NFATC2: variants seen among roughly 807,000 people sequenced by gnomAD.
NFATC2 encodes nuclear factor of activated T cells 2.
A neutral mutation model predicts 87.3 loss-of-function variants in NFATC2; 22 were observed. That is an observed-to-expected ratio of 0.25 (90% CI 0.18 to 0.36). NFATC2 has a LOEUF of 0.36. NFATC2 is among the 10% of genes least tolerant of loss of function. The probability of loss-of-function intolerance (pLI) is 1.00; values close to 1 mark genes in which losing one functional copy is unlikely to be tolerated. For missense variants in NFATC2, 1,149 were observed against 1,259.1 expected, an observed-to-expected ratio of 0.91 and a Z score of 1.32; for synonymous variants, 565 against 542.2, an observed-to-expected ratio of 1.04 and a Z score of -0.58.
chr20:51,461,582 G>A (rs572033703), intron 5 of NFATC2, among the ~76,000 whole-genome samples: 1 of 152,346 alleles, frequency 6.6e-6, no homozygotes, highest in Non-Finnish European at 1.5e-5. Flanking sequence ...TGTTGACTTT[G>A]TCTTGCAACT....
Position 51,562,549 on chromosome 20 carries a change from G to C in NFATC2, c.70+11C>G. On this transcript the variant is annotated intron_variant, in intron 1 of 10. Coordinates refer to the NFATC2 transcript ENST00000414705. This position sits in a 1 kb window ranked among gnomAD's most constrained non-coding sequence, Gnocchi z 5.8. ...AGCGGAAAAGGCTGGAAGGGATCGA[G>C]AGTCAGTTACCTTGGTCCACAGACC... is the stretch of plus-strand genomic sequence containing the variant. 1.9e-6 allele frequency: 3 copies of C among 1,549,450 alleles called. No homozygotes were observed. The highest frequency in any genetic ancestry group is 1.7e-6 in the Non-Finnish European group (2 of 1,145,202).
chr20:51,417,428 C>G (rs1980195616), intron 9 of NFATC2, among the ~76,000 whole-genome samples: 1 of 152,158 alleles, frequency 6.6e-6, no homozygotes. Flanking sequence ...TCTCTGTCCT[C>G]CACACAAACC....
intron 10 of NFATC2, among the ~76,000 whole-genome samples, chr20:51,394,258 A>G (rs1568918875): frequency 6.6e-6 from 1 of 151,974 alleles, no homozygotes; most frequent in Non-Finnish European, 1.5e-5. Flanking sequence ...AAGTTCTGAG[A>G]GGGGGGTCTC....
intron 6 of NFATC2, among the ~76,000 whole-genome samples, chr20:51,440,039 C>T (rs995561228): frequency 7.2e-5 from 11 of 152,140 alleles, no homozygotes; most frequent in Non-Finnish European, 1.6e-4. Flanking sequence ...GAGTTTGGGA[C>T]TAGCCAGGCC....
chr20:51,407,779 G>A (rs1978558339), intron 9 of NFATC2, among the ~76,000 whole-genome samples: 1 of 152,242 alleles, frequency 6.6e-6, no homozygotes, highest in African/African-American at 2.4e-5. Context: ...GAGAACCGTG[G>A]AGTCTGGAAC....
chr20:51,543,943 T>G (rs2076863809), upstream of NFATC2, among the ~76,000 whole-genome samples: 6 of 146,860 alleles, frequency 4.1e-5, no homozygotes, highest in South Asian at 1.3e-3. Flanking sequence ...CGTGCTGGGC[T>G]GCAATCCAAA....
chr20:51,433,023 A>G (rs1156718633), intron 8 of NFATC2, among the ~76,000 whole-genome samples: 1 of 152,030 alleles, frequency 6.6e-6, no homozygotes, highest in Non-Finnish European at 1.5e-5. Flanking sequence ...CAGCCCTGGG[A>G]TGTTTACAGC....
intron 1 of NFATC2, among the ~76,000 whole-genome samples, chr20:51,558,207 T>G (rs1368678073): frequency 6.6e-6 from 1 of 152,064 alleles, no homozygotes; most frequent in Non-Finnish European, 1.5e-5. Flanking sequence ...CCAGGTATGG[T>G]GGTGCACCCC....
intron 4 of NFATC2, among the ~76,000 whole-genome samples, chr20:51,475,056 C>T (rs930637394): frequency 2.0e-5 from 3 of 149,858 alleles, no homozygotes; most frequent in Admixed American, 6.6e-5. Flanking sequence ...GCAACCTGCC[C>T]GCATCAAGTT....
chr20:51,492,987 T>A (rs893240943), intron 3 of NFATC2, among the ~76,000 whole-genome samples: 7 of 152,174 alleles, frequency 4.6e-5, no homozygotes, highest in Non-Finnish European at 1.0e-4. Context: ...GAGGATGCGA[T>A]CGTGTGCCTC....
chr20:51,460,048 T>C (rs1986981670), intron 5 of NFATC2, among the ~76,000 whole-genome samples: 1 of 152,230 alleles, frequency 6.6e-6, no homozygotes, highest in Non-Finnish European at 1.5e-5. Flanking sequence ...AAATATCCTA[T>C]ATAAGACAAA....
intron 3 of NFATC2, among the ~76,000 whole-genome samples, chr20:51,484,820 C>T (rs1353278083): frequency 6.6e-6 from 1 of 152,226 alleles, no homozygotes; most frequent in Non-Finnish European, 1.5e-5. Context: ...AGGAGCCCTG[C>T]GCCTGCTTTC....
chr20:51,421,560 G>A (rs531539409), intron 9 of NFATC2, among the ~76,000 whole-genome samples: 4 of 152,322 alleles, frequency 2.6e-5, no homozygotes, highest in African/African-American at 7.2e-5. Flanking sequence ...AGGGAATGGC[G>A]GGGGCTGTGG....
chr20:51,519,700 G>A (rs2146704415), intron 2 of NFATC2, among the ~76,000 whole-genome samples: 1 of 148,622 alleles, frequency 6.7e-6, no homozygotes, highest in African/African-American at 2.5e-5. Flanking sequence ...CAGATGACGA[G>A]GTCAGGAGTT....
chr20:51,478,264 AT>A (rs762135196), intron 3 of NFATC2, among the ~76,000 whole-genome samples: 7 of 152,252 alleles, frequency 4.6e-5, no homozygotes, highest in Non-Finnish European at 8.8e-5. Flanking sequence ...TAAGGGCAGC[AT>A]TGAGAAGAGA....
intron 9 of NFATC2, among the ~76,000 whole-genome samples, chr20:51,405,633 T>C (rs1461950317): frequency 6.6e-6 from 1 of 152,074 alleles, no homozygotes; most frequent in Non-Finnish European, 1.5e-5. Context: ...AACACCAACC[T>C]CTCACTGGTT....
intron 6 of NFATC2, among the ~76,000 whole-genome samples, chr20:51,444,220 G>T (rs1253381612): frequency 6.6e-6 from 1 of 152,084 alleles, no homozygotes; most frequent in Non-Finnish European, 1.5e-5. Flanking sequence ...GACCTCAGGT[G>T]ATCCGCCCGC....
chr20:51,504,999 C>CTT (rs34489487), intron 3 of NFATC2, among the ~76,000 whole-genome samples: 1,718 of 72,548 alleles, frequency 0.024, 304 homozygotes, highest in African/African-American at 0.051. Context: ...TATCTAGTTC[C>CTT]TTTTTTTTTT....
At chr20:51,497,101 G>A (rs571613260) in intron 3 of NFATC2, among the ~76,000 whole-genome samples, 1 of 152,210 alleles carries the variant, frequency 6.6e-6, no homozygotes, top group South Asian at 2.1e-4. Context: ...AGGGGACAGG[G>A]GCTTGGTTAC....
Sources: allele counts gnomAD v4.1 joint callset (sites outside exome capture counted in the v4.1 genomes callset), GRCh38; gene constraint gnomAD v4.1.1; non-coding constraint Gnocchi (gnomAD v3.1); transcripts MANE v1.5; gene names NCBI Gene and HGNC (gene_info 2026-07-23, HGNC 2026-07-21).